The following CNTNAP5 variants were observed in gnomAD, a reference collection of about 807,000 sequenced individuals.
CNTNAP5 encodes the protein contactin-associated protein-like 5.
A neutral mutation model predicts 150.2 loss-of-function variants in CNTNAP5; 72 were observed. The observed-to-expected ratio is 0.48, with a 90% confidence interval of 0.40 to 0.58. The LOEUF (loss-of-function observed/expected upper bound fraction) is 0.58. Ranked by LOEUF, CNTNAP5 falls within the 20% of genes least tolerant of loss-of-function variation. CNTNAP5 has a pLI of 0.00. For missense variants in CNTNAP5, 1,636 were observed against 1,626.2 expected (o/e 1.01, Z -0.10); for synonymous variants, 672 against 619.8 (o/e 1.08, Z -1.25).
At chr2:124,287,125 A>G (rs776725060) in intron 3 of CNTNAP5, among the ~76,000 whole-genome samples, 18 of 152,228 alleles carry the variant, frequency 1.2e-4, no homozygotes, top group Non-Finnish European at 2.2e-4. Context: ...TTGATAGGAA[A>G]TAAAGACACA....
chr2:124,263,333 T>A (rs1334301461), intron 3 of CNTNAP5, among the ~76,000 whole-genome samples: 1 of 152,192 alleles, frequency 6.6e-6, no homozygotes, highest in African/African-American at 2.4e-5. Flanking sequence ...TTTTTAATGA[T>A]GGCCATTCTA....
chr2:124,546,950 C>T (rs1695525964), intron 10 of CNTNAP5, among the ~76,000 whole-genome samples: 1 of 152,104 alleles, frequency 6.6e-6, no homozygotes, highest in Admixed American at 6.5e-5. Context: ...ACGCTGAGTC[C>T]AGAGTTTGAC....
chr2:124,410,682 G>T (rs1384779194), intron 3 of CNTNAP5, among the ~76,000 whole-genome samples: 4 of 151,538 alleles, frequency 2.6e-5, no homozygotes, highest in Non-Finnish European at 5.9e-5. Context: ...TGAAACCAGC[G>T]AGAACAAAGA....
intron 3 of CNTNAP5, among the ~76,000 whole-genome samples, chr2:124,286,457 T>G (rs1688151011): frequency 6.6e-6 from 1 of 152,228 alleles, no homozygotes; most frequent in East Asian, 1.9e-4. Flanking sequence ...TGTTCTGGAC[T>G]GGGACTGAGC....
chr2:124,716,264 T>C (rs1170273090), intron 13 of CNTNAP5, among the ~76,000 whole-genome samples: 1 of 152,174 alleles, frequency 6.6e-6, no homozygotes, highest in African/African-American at 2.4e-5. Flanking sequence ...ATTTTTCTCA[T>C]GGTAATAACC....
Position 124,547,248 on chromosome 2 carries a change from A to G in CNTNAP5, c.1650-15969A>G, listed in dbSNP as rs185719613. ...GTGAGGTGACATCAGCCACAGGAGT[A>G]GCAGGAGAGAGTAAGCCCCGCAAGG... On this transcript the variant is annotated intron_variant, in intron 10 of 23. Coordinates refer to ENST00000682447, the MANE Select transcript of CNTNAP5 (RefSeq NM_001367498.1). Among the ~76,000 whole-genome samples, 4 of 152,332 alleles carry G rather than the reference A, an allele frequency of 2.6e-5. No individual in the cohort carries two copies. The East Asian group carries it at 7.7e-4, about 29-fold the overall frequency.
chr2:124,451,077 T>TACAC (rs1553469346), intron 6 of CNTNAP5, among the ~76,000 whole-genome samples: 634 of 61,216 alleles, frequency 0.01, 10 homozygotes, highest in Middle Eastern at 0.048. Context: ...TATATATATA[T>TACAC]ACACACACAC....
chr2:124,413,488 C>T (rs1227559041), intron 3 of CNTNAP5, among the ~76,000 whole-genome samples: 1 of 133,142 alleles, frequency 7.5e-6, no homozygotes, highest in Admixed American at 7.7e-5. Context: ...ACCCAAATGT[C>T]CAACAATGAT....
chr2:124,383,763 T>G (rs1008355350), intron 3 of CNTNAP5, among the ~76,000 whole-genome samples: 1 of 152,220 alleles, frequency 6.6e-6, no homozygotes, highest in Non-Finnish European at 1.5e-5. Context: ...ACTCTCGGGT[T>G]ACAGCAAAAG....
At position 124,914,311 on chromosome 2, in the gene CNTNAP5, T is replaced by C. The variant is rs754927924; in HGVS notation, c.*23T>C. 5 of 1,550,492 alleles carry C rather than the reference T, an allele frequency of 3.2e-6. No individual in the cohort carries two copies. The highest frequency in any genetic ancestry group is 3.5e-6 in the Non-Finnish European group (4 of 1,127,876). On this transcript the variant is annotated 3_prime_UTR_variant, in exon 24 of 24. Transcript: ENST00000682447. ...TGAGAAACTGCAGGGTTCCTACTAC[T>C]CTTTTTTCTTGTTGTTCAATTATCT...
intron 19 of CNTNAP5, among the ~76,000 whole-genome samples, chr2:124,806,843 G>T (rs762052794): frequency 4.6e-5 from 7 of 151,976 alleles, no homozygotes; most frequent in Non-Finnish European, 8.8e-5. Flanking sequence ...GAAAGATGTG[G>T]CATAAATACA....
intron 3 of CNTNAP5, among the ~76,000 whole-genome samples, chr2:124,376,326 A>G (rs1690648003): frequency 6.6e-6 from 1 of 152,130 alleles, no homozygotes; most frequent in Non-Finnish European, 1.5e-5. Context: ...AGGCAGAAGC[A>G]GGAGCAAGCA....
chr2:124,257,973 A>G (rs983249282), intron 3 of CNTNAP5, among the ~76,000 whole-genome samples: 1 of 152,180 alleles, frequency 6.6e-6, no homozygotes, highest in African/African-American at 2.4e-5. Flanking sequence ...AAGCCATGCA[A>G]TTGATGCATT....
chr2:124,426,251 C>T (rs537323131), intron 4 of CNTNAP5, among the ~76,000 whole-genome samples: 2 of 152,106 alleles, frequency 1.3e-5, no homozygotes, highest in African/African-American at 4.8e-5. Flanking sequence ...GAAAGAAAAG[C>T]TATGTTAGGA....
chr2:124,627,095 C>T (rs1030499466), intron 12 of CNTNAP5, among the ~76,000 whole-genome samples: 4 of 152,146 alleles, frequency 2.6e-5, no homozygotes, highest in Admixed American at 6.5e-5. Context: ...TCCCTGAGAC[C>T]CAGCATCTGC....
intron 3 of CNTNAP5, among the ~76,000 whole-genome samples, chr2:124,384,759 G>C (rs542794698): frequency 6.6e-6 from 1 of 152,094 alleles, no homozygotes; most frequent in South Asian, 2.1e-4. Flanking sequence ...TTGTCCCTCC[G>C]CTTTGTTCTT....
intron 13 of CNTNAP5, among the ~76,000 whole-genome samples, chr2:124,695,941 A>C (rs2105084360): frequency 6.6e-6 from 1 of 152,340 alleles, no homozygotes; most frequent in South Asian, 2.1e-4. Flanking sequence ...TAGTTTTAAA[A>C]CCATGAAACT....
intron 17 of CNTNAP5, among the ~76,000 whole-genome samples, chr2:124,786,423 G>GAAAGAAAGA (rs1347226918): frequency 9.2e-6 from 1 of 108,212 alleles, no homozygotes; most frequent in African/African-American, 4.3e-5. Flanking sequence ...AGGAAGGAAG[G>GAAAGAAAGA]AAGGAAGGAA....
At chr2:124,626,428 G>GA (rs1331061465) in intron 12 of CNTNAP5, among the ~76,000 whole-genome samples, 1 of 152,154 alleles carries the variant, frequency 6.6e-6, no homozygotes, top group African/African-American at 2.4e-5. Flanking sequence ...CAGAGAATGA[G>GA]AAGAAGCAGA....
Sources: gnomAD v4.1 joint callset for allele counts (sites outside exome capture counted in the v4.1 genomes callset) on GRCh38, gnomAD v4.1.1 for gene constraint, MANE v1.5 for transcripts, NCBI Gene and HGNC (gene_info 2026-07-23, HGNC 2026-07-21) for gene names.